Variants in TANGO6 observed in about 807,000 individuals in gnomAD.
TANGO6 encodes transport and golgi organization 6 homolog.
A neutral mutation model predicts 114.2 loss-of-function variants in TANGO6; 90 were observed. That is an observed-to-expected ratio of 0.79 (90% CI 0.66 to 0.94). TANGO6 has a LOEUF of 0.94. TANGO6 is among the 40% of genes least tolerant of loss of function. TANGO6 has a pLI of 0.00. For missense variants in TANGO6, 1,274 were observed against 1,315.3 expected (o/e 0.97, Z 0.49); for synonymous variants, 477 against 509.8 (o/e 0.94, Z 0.87).
chr16:69,010,161 A>G (rs768256254), intron 15 of TANGO6, among the ~76,000 whole-genome samples: 16 of 152,142 alleles, frequency 1.1e-4, no homozygotes, highest in Non-Finnish European at 2.1e-4. Context: ...TGGAAGAGAG[A>G]TTTGATTCCC....
intron 15 of TANGO6, among the ~76,000 whole-genome samples, chr16:69,003,631 G>T (rs1964064745): frequency 6.6e-6 from 1 of 152,064 alleles, no homozygotes; most frequent in African/African-American, 2.4e-5. Flanking sequence ...AATTTAGATA[G>T]ACTGTTATAA....
intron 11 of TANGO6, among the ~76,000 whole-genome samples, chr16:68,918,002 C>A (rs1963031806): frequency 1.3e-5 from 2 of 151,598 alleles, no homozygotes; most frequent in South Asian, 4.2e-4. Context: ...TCACTGCAAC[C>A]TCCACTTCCT....
rs558673599 is a variant in TANGO6 at position 69,053,203 on chromosome 16, C to T, written c.3108+12782C>T. ...ATTTAGAATGTATAGGTTCTAAAAGCTCAATATGTATTCATTATTATTATT... is the reference window on the plus strand; with the variant it reads ...ATTTAGAATGTATAGGTTCTAAAAGTTCAATATGTATTCATTATTATTATT... On this transcript the variant is annotated intron_variant, in intron 17 of 17. Coordinates refer to ENST00000261778, the MANE Select transcript of TANGO6 (RefSeq NM_024562.2). 9.9e-5 allele frequency among the ~76,000 whole-genome samples: 15 copies of T among 152,128 alleles called. No individual in the cohort carries two copies. The East Asian group carries it at 2.9e-3, about 29-fold the overall frequency.
chr16:69,061,736 G>C (rs940636916), intron 17 of TANGO6, among the ~76,000 whole-genome samples: 15 of 151,418 alleles, frequency 9.9e-5, no homozygotes, highest in Admixed American at 2.0e-4. Context: ...ATGCATTTCC[G>C]GCCGGGCGCG....
chr16:68,922,939 GTTTT>G lies in TANGO6; in HGVS notation c.2127+3744_2127+3747del, dbSNP rs531603542. Among the ~76,000 whole-genome samples the G allele has an allele frequency of 7.6e-5, 6 of 79,048 alleles. No homozygotes were observed. The East Asian group carries it at 1.7e-3, about 22-fold the overall frequency. 51.9% of individuals were successfully genotyped at this position (79,048 alleles called of 152,430 possible). Reference sequence around the variant, plus strand: ...TCTTACTCTACACTGCTTAGGTCATGTTTTTTTTTTTTTTTTTTTTTTTTTTTGA... The same window carrying G: ...TCTTACTCTACACTGCTTAGGTCATGTTTTTTTTTTTTTTTTTTTTTTTGA... On this transcript the variant is annotated intron_variant, in intron 12 of 17. Transcript: ENST00000261778.
At chr16:68,878,076 C>T in intron 5 of TANGO6, 42 bp from the exon 6 acceptor site, 2 of 1,554,854 alleles carry the variant, frequency 1.3e-6, no homozygotes, top group South Asian at 1.2e-5. Context: ...TGTCATATTC[C>T]TTGCAAAAAA....
At chr16:68,845,514 C>G (rs1179548256) in intron 1 of TANGO6, among the ~76,000 whole-genome samples, 1 of 152,116 alleles carries the variant, frequency 6.6e-6, no homozygotes, top group Non-Finnish European at 1.5e-5. Context: ...TTATATGAAT[C>G]TGTCTACTAT....
chr16:69,068,572 TG>T (rs1202018195), intron 17 of TANGO6, among the ~76,000 whole-genome samples: 1 of 152,222 alleles, frequency 6.6e-6, no homozygotes, highest in Non-Finnish European at 1.5e-5. Context: ...ATTTACTGCA[TG>T]TTAGGCTCTC....
chr16:69,081,070 G>A (rs1467683156), intron 17 of TANGO6, among the ~76,000 whole-genome samples: 3 of 152,076 alleles, frequency 2.0e-5, no homozygotes, highest in Non-Finnish European at 2.9e-5. Flanking sequence ...CCCAGGAGGC[G>A]GAGCTTGCAG....
At chr16:68,859,231 C>T (rs530425321) in intron 1 of TANGO6, among the ~76,000 whole-genome samples, 2 of 152,188 alleles carry the variant, frequency 1.3e-5, no homozygotes, top group Admixed American at 1.3e-4. Flanking sequence ...AGTGCGGTGG[C>T]GCAGTCTCAG....
Position 68,863,034 on chromosome 16 carries a change from G to C in TANGO6, c.825G>C (p.Leu275=). The C allele has an allele frequency of 2.5e-6, 4 of 1,587,120 alleles. No individual in the cohort carries two copies. The highest frequency in any genetic ancestry group is 3.4e-6 in the Non-Finnish European group (4 of 1,166,822). Reference sequence around the variant, plus strand: ...ATCAGCCCTTAGCAGTCCGGGAACTGCTTATCCTCCAGGGAGGACCACCCC... The same window carrying C: ...ATCAGCCCTTAGCAGTCCGGGAACTCCTTATCCTCCAGGGAGGACCACCCC... ...QVYQPLAVRE[L]LILQGGPPQS... Residue 275 remains leucine (L), a synonymous_variant, in exon 3 of 18, where the codon CTG becomes CTC. Transcript: ENST00000261778.
intron 14 of TANGO6, among the ~76,000 whole-genome samples, chr16:68,952,886 T>G (rs1963484041): frequency 1.3e-5 from 2 of 152,124 alleles, no homozygotes. Flanking sequence ...GAAAGCTGTT[T>G]TAGAATCACT....
intron 13 of TANGO6, among the ~76,000 whole-genome samples, chr16:68,929,054 G>A (rs543132298): frequency 6.6e-6 from 1 of 152,242 alleles, no homozygotes; most frequent in Admixed American, 6.5e-5. Flanking sequence ...AAGTAGCTGG[G>A]ATTACAGGTG....
chr16:69,026,889 G>A (rs1195308717), intron 16 of TANGO6, among the ~76,000 whole-genome samples: 1 of 152,092 alleles, frequency 6.6e-6, no homozygotes, highest in Non-Finnish European at 1.5e-5. Context: ...TTGAGATGGA[G>A]TCTCGCTTTG....
rs147299286 is a variant in TANGO6 at position 68,999,326 on chromosome 16, C to T, written c.2843-23502C>T. On this transcript the variant is annotated intron_variant, in intron 15 of 17. Coordinates refer to ENST00000261778, the MANE Select transcript of TANGO6 (RefSeq NM_024562.2). ...GCCTGTCAGAAAGTGACATTTTTTA[C>T]TTACTGCAGGTCAGGAACTCTGTAC... 9.9e-5 allele frequency among the ~76,000 whole-genome samples: 15 copies of T among 152,274 alleles called. No individual in the cohort carries two copies. In the East Asian group the frequency reaches 2.9e-3, roughly 29 times the overall value.
chr16:68,929,369 T>A (rs924505760), intron 13 of TANGO6, among the ~76,000 whole-genome samples: 1 of 152,196 alleles, frequency 6.6e-6, no homozygotes, highest in Non-Finnish European at 1.5e-5. Flanking sequence ...ATGTATCTTA[T>A]CCTCTTTATT....
chr16:68,984,636 C>T (rs1326380434), intron 15 of TANGO6, among the ~76,000 whole-genome samples: 1 of 152,092 alleles, frequency 6.6e-6, no homozygotes, highest in African/African-American at 2.4e-5. Context: ...ATCATCCCAC[C>T]TCAGCCTCCC....
intron 7 of TANGO6, 89 bp from the exon 8 acceptor site, chr16:68,900,345 G>C (rs1567535106): frequency 2.0e-6 from 2 of 990,724 alleles, no homozygotes; most frequent in East Asian, 2.4e-5. Flanking sequence ...TGCTTAAGAC[G>C]CTGAGCCCTG....
intron 17 of TANGO6, among the ~76,000 whole-genome samples, chr16:69,066,150 C>T (rs1173995027): frequency 1.3e-5 from 2 of 152,124 alleles, no homozygotes; most frequent in Non-Finnish European, 2.9e-5. Context: ...AATTCATTTC[C>T]CCGCATCTAC....
Sources: allele counts gnomAD v4.1 joint callset (sites outside exome capture counted in the v4.1 genomes callset), GRCh38; gene constraint gnomAD v4.1.1; transcripts MANE v1.5; gene names NCBI Gene and HGNC (gene_info 2026-07-23, HGNC 2026-07-21).